The following SLC30A8 variants were observed in gnomAD, a reference collection of about 807,000 sequenced individuals.
SLC30A8 encodes proton-coupled zinc antiporter SLC30A8.
Under a neutral mutation model 36.9 loss-of-function variants are expected in SLC30A8, and 27 were observed. The observed-to-expected ratio is 0.73, with a 90% CI of 0.54 to 1.01. The LOEUF (loss-of-function observed/expected upper bound fraction) is 1.01, where lower values mean the gene tolerates loss of function less well. Ranked by LOEUF, SLC30A8 falls within the 50% of genes least tolerant of loss-of-function variation. The pLI is 0.00. For synonymous variants in SLC30A8, 164 were observed against 172.4 expected (o/e 0.95, Z 0.38); for missense variants, 439 against 452.0 (o/e 0.97, Z 0.26).
chr8:116,985,765 T>G (rs1815423513), intron 1 of SLC30A8, among the ~76,000 whole-genome samples: 2 of 152,188 alleles, frequency 1.3e-5, no homozygotes, highest in Non-Finnish European at 2.9e-5. Context: ...ATTACCTAAT[T>G]TTTTATTTTC....
chr8:117,014,365 T>C (rs1336506081), intron 1 of SLC30A8, among the ~76,000 whole-genome samples: 1 of 152,192 alleles, frequency 6.6e-6, no homozygotes. Flanking sequence ...GAGCCTATCA[T>C]CTTTGAGGAA....
At chr8:116,961,322 G>T (rs1011872406) in intron 1 of SLC30A8, among the ~76,000 whole-genome samples, 12 of 152,048 alleles carry the variant, frequency 7.9e-5, no homozygotes, top group Non-Finnish European at 1.3e-4. Flanking sequence ...CCAGCTACTC[G>T]GGAGGCTGAG....
At chr8:117,123,416 A>C (rs1374476101) in intron 2 of SLC30A8, among the ~76,000 whole-genome samples, 26 of 152,048 alleles carry the variant, frequency 1.7e-4, no homozygotes, top group Non-Finnish European at 2.1e-4. Flanking sequence ...GCATGAAGGA[A>C]TCTTTAAATG....
intron 1 of SLC30A8, among the ~76,000 whole-genome samples, chr8:117,013,525 T>G (rs1282638082): frequency 1.3e-5 from 2 of 152,112 alleles, no homozygotes; most frequent in Non-Finnish European, 1.5e-5. Context: ...AAAAAGAAAA[T>G]AAAATATTAA....
chr8:116,962,496 A>C (rs922851196), intron 1 of SLC30A8, among the ~76,000 whole-genome samples: 3 of 151,912 alleles, frequency 2.0e-5, no homozygotes, highest in Non-Finnish European at 4.4e-5. Context: ...CCGTCCCCAA[A>C]CTGTTCTTAC....
intron 2 of SLC30A8, among the ~76,000 whole-genome samples, chr8:117,059,551 G>A (rs1415186632): frequency 1.3e-5 from 2 of 152,144 alleles, no homozygotes; most frequent in African/African-American, 4.8e-5. Context: ...GCCACATCTT[G>A]ACCTTCCTAC....
intron 1 of SLC30A8, among the ~76,000 whole-genome samples, chr8:116,976,829 T>TCTTTTCTTTTCTTTTC (rs1815043579): frequency 5.5e-5 from 8 of 144,268 alleles, no homozygotes; most frequent in African/African-American, 2.0e-4. Flanking sequence ...TTTCTTTTTT[T>TCTTTTCTTTTCTTTTC]TTTTTTTTTA....
At chr8:117,110,358 G>A (rs1387974399) in intron 2 of SLC30A8, among the ~76,000 whole-genome samples, 1 of 152,124 alleles carries the variant, frequency 6.6e-6, no homozygotes, top group Non-Finnish European at 1.5e-5. Context: ...CTTCTTTCCA[G>A]CCCTGTGGGT....
intron 2 of SLC30A8, among the ~76,000 whole-genome samples, chr8:117,091,071 C>CT (rs368311444): frequency 5.4e-4 from 80 of 147,366 alleles, no homozygotes; most frequent in Non-Finnish European, 6.3e-4. Context: ...CTGAAAACAT[C>CT]TTTTTTTTTT....
At chr8:116,971,303 GA>G (rs552922981) in intron 1 of SLC30A8, among the ~76,000 whole-genome samples, 87 of 143,780 alleles carry the variant, frequency 6.1e-4, no homozygotes, top group African/African-American at 1.4e-3. Context: ...TTCCCTGTAG[GA>G]AAAAAAAAAA....
chr8:117,031,472 T>G (rs549132317), intron 1 of SLC30A8, among the ~76,000 whole-genome samples: 1 of 152,050 alleles, frequency 6.6e-6, no homozygotes, highest in Non-Finnish European at 1.5e-5. Flanking sequence ...CTTTTCTTTT[T>G]TTTTTTAATG....
chr8:117,036,724 C>A (rs1472646052), intron 1 of SLC30A8, among the ~76,000 whole-genome samples: 1 of 152,110 alleles, frequency 6.6e-6, no homozygotes, highest in East Asian at 1.9e-4. Context: ...CCCCATGATT[C>A]AATCACCTCC....
At chr8:117,040,234 A>G (rs1817341111) in intron 2 of SLC30A8, among the ~76,000 whole-genome samples, 1 of 152,228 alleles carries the variant, frequency 6.6e-6, no homozygotes. Flanking sequence ...CGACCTAACA[A>G]TAGGGTTAAT....
intron 1 of SLC30A8, among the ~76,000 whole-genome samples, chr8:117,030,251 C>G (rs1295529959): frequency 1.4e-5 from 2 of 146,142 alleles, no homozygotes; most frequent in Non-Finnish European, 3.0e-5. Context: ...GCATTTCTTG[C>G]TTTTGTTAAA....
intron 1 of SLC30A8, among the ~76,000 whole-genome samples, chr8:117,034,685 G>T (rs1210733019): frequency 6.6e-6 from 1 of 152,166 alleles, no homozygotes; most frequent in African/African-American, 2.4e-5. Flanking sequence ...TTACCAGAGA[G>T]TAACTGAGTG....
upstream of SLC30A8, among the ~76,000 whole-genome samples, chr8:117,133,284 T>C (rs1821211005): frequency 6.6e-6 from 1 of 151,958 alleles, no homozygotes; most frequent in Non-Finnish European, 1.5e-5. Flanking sequence ...ATCTTCACTT[T>C]TCCCTGTCCT....
chr8:117,087,337 T>G (rs185452705), intron 2 of SLC30A8, among the ~76,000 whole-genome samples: 151 of 152,330 alleles, frequency 9.9e-4, no homozygotes, highest in African/African-American at 3.4e-3. Flanking sequence ...AATTAGCTAG[T>G]GTGGCAACCG....
intron 2 of SLC30A8, among the ~76,000 whole-genome samples, chr8:117,071,674 A>G (rs902030673): frequency 1.3e-5 from 2 of 152,092 alleles, no homozygotes; most frequent in Non-Finnish European, 2.9e-5. Flanking sequence ...GTAGTTTTAC[A>G]GTTTCACATC....
intron 2 of SLC30A8, among the ~76,000 whole-genome samples, chr8:117,113,506 G>C (rs1015515262): frequency 6.6e-6 from 1 of 152,134 alleles, no homozygotes; most frequent in African/African-American, 2.4e-5. Flanking sequence ...TAACATTTAA[G>C]ATTTGGAGAA....
Sources: allele counts gnomAD v4.1 joint callset (sites outside exome capture counted in the v4.1 genomes callset), GRCh38; gene constraint gnomAD v4.1.1; transcripts MANE v1.5; gene names NCBI Gene and HGNC (gene_info 2026-07-23, HGNC 2026-07-21).